The following RCOR2 variants were observed in gnomAD, a reference collection of about 807,000 sequenced individuals.
RCOR2 encodes the protein REST corepressor 2.
A neutral mutation model predicts 58.9 loss-of-function variants in RCOR2; 19 were observed. The ratio of observed to expected loss-of-function variants is 0.32; its 90% CI spans 0.23 to 0.47. RCOR2 has a LOEUF of 0.47. RCOR2 is among the 20% of genes least tolerant of loss of function. The pLI is 1.00. For synonymous variants in RCOR2, 286 were observed against 278.7 expected, an observed-to-expected ratio of 1.03 and a Z score of -0.26; for missense variants, 590 against 707.9, an observed-to-expected ratio of 0.83 and a Z score of 1.89.
chr11:63,926,857 T>C, the RCOR2 span, among the ~76,000 whole-genome samples: 9 of 150,860 alleles, frequency 6.0e-5, no homozygotes, highest in African/African-American at 2.2e-4. Context: ...AGTCTCACTC[T>C]GTTGCCCAGG....
chr11:63,925,462 T>G, the RCOR2 span, among the ~76,000 whole-genome samples: 1 of 152,230 alleles, frequency 6.6e-6, no homozygotes, highest in East Asian at 1.9e-4. Context: ...ACAGGAGTGT[T>G]GGCTGCCATC....
intron 8 of RCOR2, among the ~76,000 whole-genome samples, chr11:63,913,417 C>T (rs1378991374): frequency 8.0e-5 from 12 of 150,938 alleles, no homozygotes; most frequent in African/African-American, 2.7e-4. Flanking sequence ...CTCGAACTCC[C>T]GACCTCAGGT....
chr11:63,920,175 T>C (rs571467499), upstream of RCOR2, among the ~76,000 whole-genome samples: 128 of 152,362 alleles, frequency 8.4e-4, 1 homozygote, highest in African/African-American at 2.9e-3. Flanking sequence ...GGGCCTGGCA[T>C]ACAGTAGGCA....
In RCOR2 at chr11:63,916,395, T is replaced by C. The variant is rs776736781; in HGVS notation, c.62A>G (p.Lys21Arg). Residue 21 changes from lysine (K) to arginine (R), a missense_variant, in exon 1 of 12, where the codon AAG becomes AGG. Lys to Arg is a conservative substitution (Grantham distance 26). Around this residue, in one of 3 missense-constraint regions of RCOR2, gnomAD observed 390 missense variants for 478.7 expected, o/e 0.81. Transcript: ENST00000301459. ...GSGILSRSRA[K>R]TVPNGGQPHS... The stretch of plus-strand genomic sequence containing the variant: ...GGGCTGTCCGCCGTTGGGCACCGTC[T>C]TGGCCCGGCTACGGGACAGGATCCC... 5.6e-6 allele frequency: 9 copies of C among 1,607,652 alleles called. No homozygotes were observed. The highest frequency in any genetic ancestry group is 1.7e-4 in the Middle Eastern group (1 of 5,832).
chr11:63,915,195 C>T lies in RCOR2; in HGVS notation c.248G>A (p.Cys83Tyr). ...KGMLVWSPNH[C>Y]VSDAKLDKYI... ...CCACTCACGCTTGGCATCTGACACA[C>T]AGTGGTTGGGTGACCACACCAGCAT... The change falls in exon 3 of 12, where the codon TGT becomes TAT. Residue 83 changes from cysteine (C) to tyrosine (Y), a missense_variant. Physicochemically the swap from Cys to Tyr is radical, Grantham distance 194 (BLOSUM62 -2). This residue lies in a region of RCOR2 where 390 missense variants were observed against 478.7 expected (regional missense o/e 0.81). Transcript: ENST00000301459. 6.4e-7 allele frequency: 1 copy of T among 1,551,550 alleles called. No individual in the cohort carries two copies. Among genetic ancestry groups the T allele is most frequent in the Non-Finnish European group, 8.7e-7 (1 of 1,147,024 alleles).
rs1411444333 is a variant in RCOR2, at chr11:63,912,419, C to T, written c.1143G>A (p.Glu381=). The part of the protein sequence containing the change: ...VSYRRRFNLE[E]VLQEWEAEQD... The stretch of plus-strand genomic sequence containing the variant: ...GCTCAGCCTCCCATTCCTGCAGCAC[C>T]TCCTCCAGATTGAAGCGGCGCCGGT... The change falls in exon 11 of 12, where the codon GAG becomes GAA. Residue 381 remains glutamate, a synonymous_variant. Transcript: ENST00000301459. The T allele has an allele frequency of 1.2e-6, 2 of 1,613,908 alleles. No individual in the cohort carries two copies. Among genetic ancestry groups the T allele is most frequent in the East Asian group, 4.5e-5 (2 of 44,880 alleles).
chr11:63,913,162 T>A (rs320111), intron 8 of RCOR2, among the ~76,000 whole-genome samples: 19,656 of 67,072 alleles, frequency 0.29, 2,075 homozygotes, highest in South Asian at 0.42. Context: ...TTTTTATTTT[T>A]TATATATATA....
At position 63,912,262 on chromosome 11, in the gene RCOR2, C is replaced by T. The variant is rs1461143896; in HGVS notation, c.1257+43G>A. On this transcript the variant is annotated intron_variant, in intron 11 of 11. Coordinates refer to ENST00000301459, the MANE Select transcript of RCOR2 (RefSeq NM_173587.4). ...GGACCAAGGCGGCGCCTCACCTCGC[C>T]TCGCCTCTCCTCTCTGAGGGGTTTC... 3 of 1,598,544 alleles carry T rather than the reference C, an allele frequency of 1.9e-6. No homozygotes were observed. The Admixed American group carries it at 5.1e-5, about 27-fold the overall frequency.
At position 63,914,541 on chromosome 11, in the gene RCOR2, G is replaced by A. The variant is rs748170476; in HGVS notation, c.481C>T (p.Leu161=). The change falls in exon 6 of 12, where the codon CTG becomes TTG. Residue 161 remains leucine, a splice_region_variant and synonymous_variant. Transcript: ENST00000301459. ...AGGCTGGGAATCAACTTGTCAGGCA[G>A]CTGGAGGAGGCAACGCCAGAAGCTG... is the stretch of plus-strand genomic sequence containing the variant. ...GKCFQRIQQM[L]PDKLIPSLVK... The A allele has an allele frequency of 6.2e-7, 1 of 1,613,536 alleles. No homozygotes were observed. The highest frequency in any genetic ancestry group is 8.5e-7 in the Non-Finnish European group (1 of 1,180,026).
At position 63,913,868 on chromosome 11, in the gene RCOR2, C is replaced by CG; in HGVS notation, c.891+85dup. The CG allele has an allele frequency of 2.4e-6, 3 of 1,261,302 alleles. No homozygotes were observed. The South Asian group carries it at 3.6e-5, about 15-fold the overall frequency. 78.1% of individuals were successfully genotyped at this position (1,261,302 alleles called of 1,614,324 possible). A position where few individuals can be genotyped will look rare whatever the true frequency, so the allele number is the denominator to read the frequency against. ...ATGGGGCTCGGCCCCTGAACCATCT[C>CG]GCTTACACCTCAGCTCCCCCTAGAC... On this transcript the variant is annotated intron_variant, in intron 8 of 11. Transcript: ENST00000301459.
chr11:63,918,966 C>T (rs1468693915), upstream of RCOR2, among the ~76,000 whole-genome samples: 3 of 152,208 alleles, frequency 2.0e-5, no homozygotes, highest in Non-Finnish European at 4.4e-5. Flanking sequence ...CCCAGCATCC[C>T]TCTTCCCCGC....
In RCOR2 at chr11:63,912,482, G is replaced by T; in HGVS notation, c.1080C>A (p.Asn360Lys). 6.2e-7 allele frequency: 1 copy of T among 1,614,000 alleles called. No homozygotes were observed. The highest frequency in any genetic ancestry group is 8.5e-7 in the Non-Finnish European group (1 of 1,179,986). The change falls in exon 11 of 12, where the codon AAC becomes AAA. Residue 360 changes from asparagine (N) to lysine (K), a missense_variant. Around this residue, in one of 3 missense-constraint regions of RCOR2, gnomAD observed 4 missense variants for 18.5 expected, o/e 0.22. Transcript: ENST00000301459. ...DFGAIAEVIG[N>K]KTLTQVKTFF... ...AAGTCTTCACCTGGGTCAGAGTCTT[G>T]TTCCCAATCACCTCTGCAATAGCCC...
intron 8 of RCOR2, 84 bp downstream of exon 8, chr11:63,913,870 C>T: frequency 7.7e-7 from 1 of 1,295,708 alleles, no homozygotes; most frequent in Non-Finnish European, 1.1e-6. Flanking sequence ...AACCATCTCG[C>T]TTACACCTCA....
intron 9 of RCOR2, 53 bp from the exon 10 acceptor site, chr11:63,912,786 G>A (rs1471487026): frequency 1.0e-5 from 16 of 1,607,290 alleles, no homozygotes; most frequent in African/African-American, 1.3e-5. Flanking sequence ...GCAAATGGAA[G>A]CCCTGCTCCC....
rs929322730 is a variant in RCOR2 at position 63,917,116 on chromosome 11, C to T, written c.-660G>A. ...CGCTCTCCCCGCCGCGCTCGGGATG[C>T]CGCTTGCTCGCCCGCTCTCCGCCGC... On this transcript the variant is annotated 5_prime_UTR_variant, in exon 1 of 12. Transcript: ENST00000301459. Among the ~76,000 whole-genome samples, 1 of 151,704 alleles carries T rather than the reference C, an allele frequency of 6.6e-6. No individual in the cohort carries two copies. Among genetic ancestry groups the T allele is most frequent in the Non-Finnish European group, 1.5e-5 (1 of 67,810 alleles).
the RCOR2 span, among the ~76,000 whole-genome samples, chr11:63,927,177 A>G: frequency 6.6e-6 from 1 of 152,032 alleles, no homozygotes; most frequent in Non-Finnish European, 1.5e-5. Context: ...TTTCGAAATG[A>G]AGCTCAGATA....
intron 8 of RCOR2, among the ~76,000 whole-genome samples, chr11:63,913,491 A>ATT (rs775816114): frequency 1.6e-5 from 2 of 126,694 alleles, no homozygotes; most frequent in Non-Finnish European, 3.3e-5. Context: ...TGCTCGGCCT[A>ATT]TTTTTTTTTG....
chr11:63,916,523 T>C lies in RCOR2; in HGVS notation c.-67A>G. The C allele has an allele frequency of 6.5e-7, 1 of 1,533,356 alleles. No individual in the cohort carries two copies. The highest frequency in any genetic ancestry group is 8.7e-7 in the Non-Finnish European group (1 of 1,143,034). The allele number at this position is 1,533,356 out of a possible 1,614,324, so 95.0% of individuals were successfully genotyped here. A position where few individuals can be genotyped will look rare whatever the true frequency, so the allele number is the denominator to read the frequency against. On this transcript the variant is annotated 5_prime_UTR_variant, in exon 1 of 12. Transcript: ENST00000301459. ...GAGCGACAGTGGTTGCCGCACTCGC[T>C]CCGAGTGCCGAGCCCGGCCCGGCCT...
the RCOR2 span, among the ~76,000 whole-genome samples, chr11:63,923,962 G>A: frequency 6.6e-6 from 1 of 151,332 alleles, no homozygotes; most frequent in Admixed American, 6.6e-5. Flanking sequence ...AGGCTGGAGT[G>A]CAATGGCACG....
Sources: allele counts gnomAD v4.1 joint callset (sites outside exome capture counted in the v4.1 genomes callset), GRCh38; gene constraint gnomAD v4.1.1; regional missense constraint gnomAD v4.1.1; transcripts MANE v1.5; gene names NCBI Gene and HGNC (gene_info 2026-07-23, HGNC 2026-07-21).